The following STK33 variants were observed in gnomAD, a reference collection of about 807,000 sequenced individuals.
STK33 encodes serine/threonine-protein kinase 33.
STK33 carries 52 observed loss-of-function variants against 58.0 expected under a neutral mutation model. The observed-to-expected ratio is 0.90, with a 90% confidence interval of 0.72 to 1.13. The LOEUF (loss-of-function observed/expected upper bound fraction) is 1.13, where lower values mean the gene tolerates loss of function less well. Among genes scored for constraint, STK33 ranks in the 50% most tolerant of loss-of-function variants. STK33 has a pLI of 0.00. For synonymous variants in STK33, 215 were observed against 200.1 expected (o/e 1.07, Z -0.63); for missense variants, 630 against 604.2 (o/e 1.04, Z -0.45).
intron 1 of STK33, among the ~76,000 whole-genome samples, chr11:8,532,215 C>T (rs1268114010): frequency 6.6e-6 from 1 of 152,242 alleles, no homozygotes; most frequent in Non-Finnish European, 1.5e-5. Flanking sequence ...GTTACCATCA[C>T]TTATTCACAC....
intron 2 of STK33, among the ~76,000 whole-genome samples, chr11:8,479,935 A>T (rs559737736): frequency 6.6e-6 from 1 of 152,346 alleles, no homozygotes; most frequent in East Asian, 1.9e-4. Context: ...CACTCAATGA[A>T]AATTTTTGAG....
At chr11:8,490,995 T>C (rs2138661425) in intron 1 of STK33, among the ~76,000 whole-genome samples, 1 of 152,176 alleles carries the variant, frequency 6.6e-6, no homozygotes, top group East Asian at 1.9e-4. Flanking sequence ...GAAACCAGAA[T>C]AGAAAAGCTG....
chr11:8,545,113 G>GT (rs1407558904), intron 1 of STK33, among the ~76,000 whole-genome samples: 2 of 152,178 alleles, frequency 1.3e-5, no homozygotes, highest in Non-Finnish European at 2.9e-5. Context: ...TACCAGAAGT[G>GT]TAAGTCCAAA....
At chr11:8,421,814 T>C (rs891687150) in intron 14 of STK33, among the ~76,000 whole-genome samples, 1 of 152,188 alleles carries the variant, frequency 6.6e-6, no homozygotes, top group African/African-American at 2.4e-5. Flanking sequence ...CTAGATGTTT[T>C]ATATTCTTTG....
chr11:8,489,272 G>GAAAAAAAAAAAAAAA (rs60919146), intron 1 of STK33, among the ~76,000 whole-genome samples: 16 of 126,538 alleles, frequency 1.3e-4, no homozygotes, highest in East Asian at 2.3e-4. Context: ...AAAAAAAAAA[G>GAAAAAAAAAAAAAAA]AAAAAAAAAA....
intron 1 of STK33, among the ~76,000 whole-genome samples, chr11:8,585,488 G>A (rs1413189521): frequency 4.0e-5 from 6 of 149,744 alleles, no homozygotes; most frequent in Middle Eastern, 3.5e-3. Context: ...GCCTCCCAAA[G>A]TGCTGGGATT....
At position 8,551,948 on chromosome 11, in the gene STK33, T is replaced by A. The variant is rs1411441970; in HGVS notation, c.-466+42135A>T. ...CTCTTCAACATGGTGTCCCTGCTGA[T>A]TGGAGAGCTAAAGAGCCACCAAGAT... On this transcript the variant is annotated intron_variant, in intron 1 of 15. Transcript: ENST00000687296. Among the ~76,000 whole-genome samples, 4 of 152,128 alleles carry A rather than the reference T, an allele frequency of 2.6e-5. No homozygotes were observed. The East Asian group carries it at 7.7e-4, about 29-fold the overall frequency.
At chr11:8,586,256 A>G (rs2031605294) in intron 1 of STK33, among the ~76,000 whole-genome samples, 1 of 150,572 alleles carries the variant, frequency 6.6e-6, no homozygotes, top group African/African-American at 2.4e-5. Flanking sequence ...TTCAAATCCC[A>G]ACCCAACCTG....
intron 1 of STK33, among the ~76,000 whole-genome samples, chr11:8,529,719 T>C (rs1189694310): frequency 6.6e-6 from 1 of 151,848 alleles, no homozygotes; most frequent in Non-Finnish European, 1.5e-5. Context: ...TCGTTAAAGA[T>C]GAAAAAAAGG....
In STK33 at chr11:8,552,230, C is replaced by A. The variant is rs560343565; in HGVS notation, c.-466+41853G>T. On this transcript the variant is annotated intron_variant, in intron 1 of 15. Coordinates refer to ENST00000687296, the MANE Select transcript of STK33 (RefSeq NM_001352389.2). ...AAGGAAGTGGCACAGACTGAAACGA[C>A]CTTTTCTCTTACCAGTCATGGCTTA... is the stretch of plus-strand genomic sequence containing the variant. 2.6e-4 allele frequency among the ~76,000 whole-genome samples: 40 copies of A among 152,334 alleles called. No individual in the cohort carries two copies. In the East Asian group the frequency reaches 2.7e-3, roughly 10 times the overall value.
intron 14 of STK33, among the ~76,000 whole-genome samples, chr11:8,425,601 G>A (rs1447446059): frequency 1.3e-5 from 2 of 152,140 alleles, no homozygotes; most frequent in Non-Finnish European, 2.9e-5. Flanking sequence ...GTGTTTGCCT[G>A]ATATGTCCTT....
chr11:8,456,983 CTAAAA>C (rs1946933394), intron 9 of STK33, among the ~76,000 whole-genome samples: 1 of 151,874 alleles, frequency 6.6e-6, no homozygotes, highest in South Asian at 2.1e-4. Context: ...TAAAACTGCT[CTAAAA>C]TAAAGTCTAC....
At chr11:8,378,357 A>G in the STK33 span, among the ~76,000 whole-genome samples, 1 of 152,216 alleles carries the variant, frequency 6.6e-6, no homozygotes, top group Admixed American at 6.5e-5. Context: ...CGTCTCTAAT[A>G]AAAACACAAA....
At chr11:8,518,986 C>T (rs1271223542) in intron 1 of STK33, among the ~76,000 whole-genome samples, 11 of 152,256 alleles carry the variant, frequency 7.2e-5, no homozygotes, top group South Asian at 4.1e-4. Context: ...CTGCACCAAG[C>T]GGACCTAATA....
chr11:8,476,715 T>C lies in STK33; in HGVS notation c.-190A>G, dbSNP rs1410342553. On this transcript the variant is annotated 5_prime_UTR_variant, in exon 4 of 16. Coordinates refer to ENST00000687296, the MANE Select transcript of STK33 (RefSeq NM_001352389.2). ...GCTTTGTTTTTCTTCATGCCACTTA[T>C]CATTTCACTCAGGAAGTTTCATAGC... 6.6e-6 allele frequency: 1 copy of C among 152,270 alleles called. No homozygotes were observed. The highest frequency in any genetic ancestry group is 2.4e-5 in the African/African-American group (1 of 41,464). The allele number at this position is 152,270 out of a possible 1,614,324, so 9.4% of individuals were successfully genotyped here.
chr11:8,542,957 C>T (rs546687843), intron 1 of STK33, among the ~76,000 whole-genome samples: 3 of 152,198 alleles, frequency 2.0e-5, no homozygotes, highest in East Asian at 1.9e-4. Context: ...GCAATCCACA[C>T]GCCTCAGCCT....
At chr11:8,528,323 A>C (rs1205081187) in intron 1 of STK33, among the ~76,000 whole-genome samples, 1 of 152,186 alleles carries the variant, frequency 6.6e-6, no homozygotes, top group Non-Finnish European at 1.5e-5. Flanking sequence ...CATTATCCTC[A>C]TATTCCTGGA....
intron 1 of STK33, among the ~76,000 whole-genome samples, chr11:8,532,944 C>A (rs1019557314): frequency 4.6e-5 from 7 of 152,148 alleles, no homozygotes; most frequent in Non-Finnish European, 1.0e-4. Context: ...AAATGTTTCA[C>A]ACTCATAAAA....
chr11:8,339,642 C>G, the STK33 span, among the ~76,000 whole-genome samples: 1 of 152,206 alleles, frequency 6.6e-6, no homozygotes, highest in Non-Finnish European at 1.5e-5. Flanking sequence ...CTGGGCTGAC[C>G]CGTGCACAGC....
Sources: allele counts gnomAD v4.1 joint callset (sites outside exome capture counted in the v4.1 genomes callset), GRCh38; gene constraint gnomAD v4.1.1; transcripts MANE v1.5; gene names NCBI Gene and HGNC (gene_info 2026-07-23, HGNC 2026-07-21).